The following TFR2 variants were observed in gnomAD, a reference collection of about 807,000 sequenced individuals.
TFR2 encodes the protein transferrin receptor protein 2.
A neutral mutation model predicts 91.9 loss-of-function variants in TFR2; 64 were observed. That is an observed-to-expected ratio of 0.70 (90% CI 0.57 to 0.86). The LOEUF is 0.86. Ranked by LOEUF, TFR2 falls within the 40% of genes least tolerant of loss-of-function variation. The pLI is 0.00. For synonymous variants in TFR2, 454 were observed against 459.6 expected (o/e 0.99, Z 0.15); for missense variants, 950 against 1,080.5 (o/e 0.88, Z 1.69).
At chr7:100,637,865 CTT>C (rs1184904022) in intron 3 of TFR2, among the ~76,000 whole-genome samples, 6 of 149,796 alleles carry the variant, frequency 4.0e-5, no homozygotes, top group Non-Finnish European at 7.4e-5. Context: ...GAGTTTCACT[CTT>C]GTTGCCCAGG....
intron 7 of TFR2, 44 bp downstream of exon 7, chr7:100,632,038 G>C (rs1384335539): frequency 2.4e-5 from 39 of 1,613,804 alleles, no homozygotes; most frequent in Non-Finnish European, 3.2e-5. Context: ...AGAAGGTGTG[G>C]CCTCGGGACC....
chr7:100,632,005 A>T (rs1360455134), intron 7 of TFR2, 60 bp from the exon 8 acceptor site: 1 of 1,613,872 alleles, frequency 6.2e-7, no homozygotes, highest in Non-Finnish European at 8.5e-7. Flanking sequence ...AAAACGAAAA[A>T]CATGCCAGCC....
chr7:100,636,375 C>T (rs1375930739), intron 3 of TFR2, among the ~76,000 whole-genome samples: 4 of 147,968 alleles, frequency 2.7e-5, no homozygotes, highest in Non-Finnish European at 3.0e-5. Context: ...AGGATTTCAC[C>T]ATGTTGGCCA....
At chr7:100,621,232 TTTTC>T (rs1249047577) in intron 17 of TFR2, 106 bp from the exon 18 acceptor site, 61 of 1,342,652 alleles carry the variant, frequency 4.5e-5, no homozygotes, top group Admixed American at 8.9e-5. Flanking sequence ...TGTTTGTTTG[TTTTC>T]TTTTTGTGTT....
chr7:100,625,210 C>T (rs1226678630), intron 17 of TFR2, among the ~76,000 whole-genome samples: 4 of 151,850 alleles, frequency 2.6e-5, no homozygotes, highest in Non-Finnish European at 2.9e-5. Context: ...CAGGCGTGTG[C>T]CACCATGCCC....
chr7:100,626,549 C>T (rs1038237942), intron 17 of TFR2: 3 of 1,402,756 alleles, frequency 2.1e-6, no homozygotes, highest in Non-Finnish European at 2.8e-6. Flanking sequence ...GAGGCTGGCC[C>T]TCCCTGTCCA....
In TFR2 at chr7:100,626,913, G is replaced by A; in HGVS notation, c.1996-10C>T. 3 of 1,534,610 alleles carry A rather than the reference G, an allele frequency of 2.0e-6. No individual in the cohort carries two copies. Among genetic ancestry groups the A allele is most frequent in the Middle Eastern group, 2.0e-4 (1 of 5,088 alleles). On this transcript the variant is annotated splice_polypyrimidine_tract_variant and intron_variant, in intron 16 of 17. Coordinates refer to ENST00000223051, the MANE Select transcript of TFR2 (RefSeq NM_003227.4). Reference sequence around the variant, plus strand: ...GGGTCAGCCCGCGGGCCTGGGGTGGGGAGGCGCGGGCTGGGGCTGGCGGCA... The same window carrying A: ...GGGTCAGCCCGCGGGCCTGGGGTGGAGAGGCGCGGGCTGGGGCTGGCGGCA...
chr7:100,623,887 CAAAAAAAAA>C lies in TFR2; in HGVS notation c.2137-2770_2137-2762del, dbSNP rs36052130. On this transcript the variant is annotated intron_variant, in intron 17 of 17. Coordinates refer to ENST00000223051, the MANE Select transcript of TFR2 (RefSeq NM_003227.4). Reference sequence around the variant, plus strand: ...CAACATGATGAAACCCCTTCTCTACCAAAAAAAAAAAAAAAAAAAAAAATTAGGCATGGT... The same window carrying C: ...CAACATGATGAAACCCCTTCTCTACCAAAAAAAAAAAAAATTAGGCATGGT... Among the ~76,000 whole-genome samples the C allele has an allele frequency of 6.2e-5, 6 of 96,458 alleles. No homozygotes were observed. The East Asian group carries it at 1.6e-3, about 25-fold the overall frequency. 63.3% of individuals were successfully genotyped at this position (96,458 alleles called of 152,430 possible). A position where few individuals can be genotyped will look rare whatever the true frequency, so the allele number is the denominator to read the frequency against.
chr7:100,627,214 G>T, intron 16 of TFR2, 50 bp downstream of exon 16: 1 of 1,534,636 alleles, frequency 6.5e-7, no homozygotes, highest in Non-Finnish European at 8.8e-7. Flanking sequence ...CCCTGGCCTG[G>T]GCAGTGCCTC....
At chr7:100,623,552 A>T (rs1803170205) in intron 17 of TFR2, among the ~76,000 whole-genome samples, 1 of 151,870 alleles carries the variant, frequency 6.6e-6, no homozygotes, top group Non-Finnish European at 1.5e-5. Context: ...CCAAGGTAGG[A>T]GGATTACTTG....
At chr7:100,638,440 C>T (rs150663882) in intron 3 of TFR2, among the ~76,000 whole-genome samples, 2,445 of 151,670 alleles carry the variant, frequency 0.016, 24 homozygotes, top group Non-Finnish European at 0.023. Context: ...AGGGAGACCT[C>T]GTTTCTACTA....
intron 17 of TFR2, among the ~76,000 whole-genome samples, chr7:100,625,677 A>G (rs1175483857): frequency 2.0e-5 from 3 of 152,124 alleles, no homozygotes; most frequent in Non-Finnish European, 4.4e-5. Context: ...TGAGGCCAGG[A>G]GTTTGAGACC....
rs747965768 is a variant in TFR2 at position 100,629,356 on chromosome 7, G to A, written c.1287C>T (p.Ile429=). The stretch of plus-strand genomic sequence containing the variant: ...GGCCCCATGCATCCCTCTGGGCCCC[G>A]ATGACAACGTAGTGATCTGGGGAGG... ...GRSEPDHYVV[I]GAQRDAWGPG... is the part of the protein sequence containing the mutation. The change falls in exon 10 of 18, where the codon ATC becomes ATT. Residue 429 remains isoleucine, a synonymous_variant. Transcript: ENST00000223051. 5.0e-6 allele frequency: 8 copies of A among 1,613,934 alleles called. No individual in the cohort carries two copies. The highest frequency in any genetic ancestry group is 2.2e-5 in the South Asian group (2 of 91,072).
intron 1 of TFR2, 121 bp from the exon 2 acceptor site, chr7:100,641,349 G>A (rs1286933677): frequency 1.7e-5 from 23 of 1,315,324 alleles, no homozygotes; most frequent in Non-Finnish European, 2.3e-5. Context: ...GGGCGTGGGG[G>A]AGGGGCAGGG....
chr7:100,629,337 A>G lies in TFR2; in HGVS notation c.1306T>C (p.Trp436Arg). 2 of 1,613,974 alleles carry G rather than the reference A, an allele frequency of 1.2e-6. No individual in the cohort carries two copies. The highest frequency in any genetic ancestry group is 1.1e-5 in the South Asian group (1 of 91,070). ...YVVIGAQRDA[W>R]GPGAAKSAVG... ...GCGGATTTAGCTGCTCCTGGGCCCC[A>G]TGCATCCCTCTGGGCCCCGATGACA... is the stretch of plus-strand genomic sequence containing the variant. Residue 436 changes from tryptophan (W) to arginine (R), a missense_variant, in exon 10 of 18, where the codon TGG (tryptophan) becomes CGG (arginine). Transcript: ENST00000223051.
chr7:100,624,937 C>A (rs951274826), intron 17 of TFR2, among the ~76,000 whole-genome samples: 1 of 152,014 alleles, frequency 6.6e-6, no homozygotes, highest in African/African-American at 2.4e-5. Flanking sequence ...TTCACCAACC[C>A]CTGGTCTAGA....
At chr7:100,623,006 G>A (rs1206630466) in intron 17 of TFR2, among the ~76,000 whole-genome samples, 4 of 151,744 alleles carry the variant, frequency 2.6e-5, no homozygotes, top group Non-Finnish European at 5.9e-5. Flanking sequence ...CGGGCACAGT[G>A]GCTGATGCCT....
intron 16 of TFR2, 54 bp downstream of exon 16, chr7:100,627,210 C>T (rs1803287031): frequency 1.3e-6 from 2 of 1,530,536 alleles, no homozygotes; most frequent in South Asian, 2.4e-5. Flanking sequence ...GACCCCCTGG[C>T]CTGGGCAGTG....
chr7:100,633,384 C>T (rs1803506176), intron 4 of TFR2, 32 bp downstream of exon 4: 3 of 1,607,194 alleles, frequency 1.9e-6, no homozygotes, highest in East Asian at 4.5e-5. Flanking sequence ...CGTCCCCCTC[C>T]CCGCGCGCCC....
Sources: allele counts gnomAD v4.1 joint callset (sites outside exome capture counted in the v4.1 genomes callset), GRCh38; gene constraint gnomAD v4.1.1; transcripts MANE v1.5; gene names NCBI Gene and HGNC (gene_info 2026-07-23, HGNC 2026-07-21).